The following FALEC variants were observed in gnomAD, a reference collection of about 807,000 sequenced individuals.
FALEC encodes the protein focally amplified lncRNA regulator of ECM1.
the FALEC span, among the ~76,000 whole-genome samples, chr1:150,525,988 GT>G: frequency 4.9e-4 from 75 of 152,174 alleles, 1 homozygote; most frequent in African/African-American, 1.7e-3. Context: ...GGTCTTTTTT[GT>G]TTGGTTTCTT....
At chr1:150,522,947 GTGTATATATATATATA>G (rs1560270813), downstream of FALEC, among the ~76,000 whole-genome samples, 14 of 13,860 alleles carry the variant, frequency 1.0e-3, 1 homozygote, top group African/African-American at 3.3e-3. Flanking sequence ...GTGTGTGTGT[GTGTATATATATATATA>G]TATATATATA....
At chr1:150,521,697 A>T (rs1219565900), downstream of FALEC, among the ~76,000 whole-genome samples, 1 of 152,180 alleles carries the variant, frequency 6.6e-6, no homozygotes, top group Non-Finnish European at 1.5e-5. Context: ...AAAGACTGTT[A>T]TGACCCCTCT....
At chr1:150,526,719 C>T in the FALEC span, among the ~76,000 whole-genome samples, 3 of 151,858 alleles carry the variant, frequency 2.0e-5, no homozygotes, top group Non-Finnish European at 2.9e-5. Flanking sequence ...CTGCATGCTC[C>T]ACCTCCTGGG....
intron 1 of FALEC, among the ~76,000 whole-genome samples, chr1:150,517,020 C>G (rs1395361253): frequency 6.6e-6 from 1 of 152,086 alleles, no homozygotes; most frequent in Non-Finnish European, 1.5e-5. Context: ...TATACCTAGC[C>G]AGGCGCGGTG....
the FALEC span, among the ~76,000 whole-genome samples, chr1:150,536,306 G>GACAGCTCCAT: frequency 6.6e-6 from 1 of 152,206 alleles, no homozygotes; most frequent in East Asian, 1.9e-4. Context: ...GCAGGTGGTG[G>GACAGCTCCAT]CCATAGAATG....
At chr1:150,525,978 G>T in the FALEC span, among the ~76,000 whole-genome samples, 1 of 152,052 alleles carries the variant, frequency 6.6e-6, no homozygotes, top group Non-Finnish European at 1.5e-5. Context: ...TTCCATATGT[G>T]GTCTTTTTTG....
chr1:150,535,066 G>T, the FALEC span, among the ~76,000 whole-genome samples: 1 of 152,084 alleles, frequency 6.6e-6, no homozygotes, highest in Non-Finnish European at 1.5e-5. Flanking sequence ...AAGCGGCTGA[G>T]GGCCTCCTGG....
chr1:150,526,170 GA>G, the FALEC span, among the ~76,000 whole-genome samples: 1 of 151,882 alleles, frequency 6.6e-6, no homozygotes, highest in Non-Finnish European at 1.5e-5. Context: ...AGACCACGGT[GA>G]AACCCCGTCT....
At chr1:150,534,183 CTGGTCCTGGAGA>C in the FALEC span, among the ~76,000 whole-genome samples, 1 of 152,186 alleles carries the variant, frequency 6.6e-6, no homozygotes, top group African/African-American at 2.4e-5. Context: ...CTCTGAGGAG[CTGGTCCTGGAGA>C]GGTGGGGTGC....
At chr1:150,516,341 CAG>C (rs1337389907) in intron 1 of FALEC, among the ~76,000 whole-genome samples, 1 of 152,156 alleles carries the variant, frequency 6.6e-6, no homozygotes, top group Non-Finnish European at 1.5e-5. Context: ...CCAAATGCTG[CAG>C]AGAGGTGGGA....
At chr1:150,522,488 C>T (rs953906035), downstream of FALEC, among the ~76,000 whole-genome samples, 3 of 149,954 alleles carry the variant, frequency 2.0e-5, no homozygotes, top group South Asian at 6.3e-4. Context: ...CTGGGCATAG[C>T]GGTGCATGCC....
At chr1:150,522,456 C>T (rs1011791890), downstream of FALEC, among the ~76,000 whole-genome samples, 1 of 151,468 alleles carries the variant, frequency 6.6e-6, no homozygotes, top group Non-Finnish European at 1.5e-5. Flanking sequence ...AACCCTGTCT[C>T]TACTAAAAAT....
At chr1:150,533,495 G>A in the FALEC span, among the ~76,000 whole-genome samples, 1 of 144,306 alleles carries the variant, frequency 6.9e-6, no homozygotes, top group Admixed American at 7.1e-5. Context: ...GAGTGCAGTG[G>A]TGCAATCTCT....
the FALEC span, among the ~76,000 whole-genome samples, chr1:150,528,381 A>T: frequency 6.6e-6 from 1 of 152,068 alleles, no homozygotes; most frequent in African/African-American, 2.4e-5. Context: ...AACAGTCAAC[A>T]TCCTTATGGT....
the FALEC span, among the ~76,000 whole-genome samples, chr1:150,529,680 C>T: frequency 6.6e-6 from 1 of 151,954 alleles, no homozygotes; most frequent in African/African-American, 2.4e-5. Flanking sequence ...TCACTGCAAG[C>T]TCCGCCTCCC....
downstream of FALEC, among the ~76,000 whole-genome samples, chr1:150,522,893 A>ACG (rs1350940670): frequency 5.1e-5 from 4 of 78,578 alleles, no homozygotes; most frequent in African/African-American, 1.4e-4. Context: ...ATATACGTAT[A>ACG]TATATATATA....
the FALEC span, among the ~76,000 whole-genome samples, chr1:150,525,526 T>C: frequency 0.079 from 12,016 of 152,246 alleles, 644 homozygotes; most frequent in Admixed American, 0.16. Flanking sequence ...CTGCAACCAC[T>C]GCCTTTTAAA....
downstream of FALEC, among the ~76,000 whole-genome samples, chr1:150,522,403 G>A (rs907233516): frequency 3.3e-5 from 5 of 151,908 alleles, no homozygotes; most frequent in Admixed American, 6.6e-5. Flanking sequence ...CAGGAGGATC[G>A]CCCAAGGTCA....
chr1:150,536,052 C>T, the FALEC span, among the ~76,000 whole-genome samples: 4 of 152,164 alleles, frequency 2.6e-5, no homozygotes, highest in Admixed American at 1.3e-4. Flanking sequence ...AACATAAGGA[C>T]GCAGCCTATC....
Sources: gnomAD v4.1 joint callset for allele counts (sites outside exome capture counted in the v4.1 genomes callset) on GRCh38, gnomAD v4.1.1 for gene constraint, MANE v1.5 for transcripts, NCBI Gene and HGNC (gene_info 2026-07-23, HGNC 2026-07-21) for gene names.